Variants in SCYL3 observed in about 807,000 individuals in gnomAD.
SCYL3 encodes protein-associating with the carboxyl-terminal domain of ezrin.
A neutral mutation model predicts 73.8 loss-of-function variants in SCYL3; 35 were observed. That is an observed-to-expected ratio of 0.47 (90% CI 0.36 to 0.63). The LOEUF (loss-of-function observed/expected upper bound fraction) is 0.63, where lower values mean the gene tolerates loss of function less well. Among genes scored for constraint, SCYL3 ranks in the 20% least tolerant of loss-of-function variants. The pLI is 0.00. For missense variants in SCYL3, 712 were observed against 798.9 expected (o/e 0.89, Z 1.31); for synonymous variants, 277 against 295.2 (o/e 0.94, Z 0.63).
chr1:169,883,714 A>ATTTT (rs11311295), intron 2 of SCYL3, among the ~76,000 whole-genome samples: 3 of 100,082 alleles, frequency 3.0e-5, no homozygotes, highest in Non-Finnish European at 2.0e-5. Flanking sequence ...CTCCAATTAC[A>ATTTT]TTTTTTTTTT....
intron 11 of SCYL3, among the ~76,000 whole-genome samples, chr1:169,857,032 G>A (rs942110234): frequency 6.6e-6 from 1 of 152,300 alleles, no homozygotes; most frequent in South Asian, 2.1e-4. Flanking sequence ...ACACAAAGGA[G>A]CAATGACATT....
chr1:169,886,397 T>A (rs1661691414), intron 2 of SCYL3, among the ~76,000 whole-genome samples: 1 of 152,176 alleles, frequency 6.6e-6, no homozygotes, highest in Non-Finnish European at 1.5e-5. Context: ...TCTCTTCCAT[T>A]TCTTGTTATG....
At chr1:169,875,801 C>A (rs12023869) in intron 4 of SCYL3, among the ~76,000 whole-genome samples, 177 bp downstream of exon 4, 2 of 152,310 alleles carry the variant, frequency 1.3e-5, no homozygotes, top group East Asian at 1.9e-4. Context: ...GGATACATGA[C>A]CCCCACTGCC....
chr1:169,859,258 C>T, intron 10 of SCYL3, 46 bp from the exon 11 acceptor site: 1 of 1,542,122 alleles, frequency 6.5e-7, no homozygotes, highest in Non-Finnish European at 8.8e-7. Flanking sequence ...CAATACCTAT[C>T]TCTTTCTTCC....
chr1:169,882,200 T>C (rs374149725), intron 2 of SCYL3, among the ~76,000 whole-genome samples: 1 of 152,148 alleles, frequency 6.6e-6, no homozygotes, highest in Non-Finnish European at 1.5e-5. Context: ...GGCCCCCCAC[T>C]TGGAGCAGCC....
intron 7 of SCYL3, among the ~76,000 whole-genome samples, chr1:169,868,176 C>G (rs1219677833): frequency 6.6e-6 from 1 of 152,200 alleles, no homozygotes; most frequent in African/African-American, 2.4e-5. Flanking sequence ...ACCCCTAGTT[C>G]TATCCTAGAG....
intron 1 of SCYL3, among the ~76,000 whole-genome samples, chr1:169,890,003 A>G (rs1042314627): frequency 6.6e-6 from 1 of 152,192 alleles, no homozygotes; most frequent in African/African-American, 2.4e-5. Flanking sequence ...AGCTTTCTTG[A>G]CAACAGGGAT....
At chr1:169,879,616 G>A (rs1661103875) in intron 2 of SCYL3, among the ~76,000 whole-genome samples, 1 of 152,156 alleles carries the variant, frequency 6.6e-6, no homozygotes, top group Non-Finnish European at 1.5e-5. Context: ...ACAGAGCAAA[G>A]AGTTATGTGA....
At position 169,852,167 on chromosome 1, in the gene SCYL3, A is replaced by C; in HGVS notation, c.*1546T>G. On this transcript the variant is annotated 3_prime_UTR_variant, in exon 13 of 13. Coordinates refer to ENST00000367771, the MANE Select transcript of SCYL3 (RefSeq NM_020423.7). ...GTTTGAATTATTGGTAGTAACCTTT[A>C]AGGGAAGTTACATATTGTACCAGTG... 1 of 577,728 alleles carries C rather than the reference A, an allele frequency of 1.7e-6. No individual in the cohort carries two copies. Among genetic ancestry groups the C allele is most frequent in the Non-Finnish European group, 3.0e-6 (1 of 330,176 alleles). The allele number at this position is 577,728 out of a possible 1,614,324, so 35.8% of individuals were successfully genotyped here. A position where few individuals can be genotyped will look rare whatever the true frequency, so the allele number is the denominator to read the frequency against.
intron 2 of SCYL3, among the ~76,000 whole-genome samples, chr1:169,881,842 A>T (rs1428694974): frequency 6.6e-6 from 1 of 152,234 alleles, no homozygotes; most frequent in Non-Finnish European, 1.5e-5. Context: ...ATCATCAGGC[A>T]TTAGTTAGAT....
intron 11 of SCYL3, among the ~76,000 whole-genome samples, chr1:169,858,824 G>A (rs897801000): frequency 1.3e-5 from 2 of 151,678 alleles, no homozygotes; most frequent in Non-Finnish European, 2.9e-5. Flanking sequence ...CTATGCACGT[G>A]TAAACATATA....
intron 5 of SCYL3, among the ~76,000 whole-genome samples, chr1:169,872,436 C>G (rs1660470043): frequency 6.6e-6 from 1 of 152,252 alleles, no homozygotes; most frequent in Admixed American, 6.5e-5. Flanking sequence ...GCTGCATGGG[C>G]AGGGCCCTTA....
chr1:169,883,014 G>A (rs1253557527), intron 2 of SCYL3, among the ~76,000 whole-genome samples: 1 of 152,082 alleles, frequency 6.6e-6, no homozygotes, highest in African/African-American at 2.4e-5. Flanking sequence ...TCTTGTTGCT[G>A]CTCACTCTTT....
At chr1:169,859,474 C>CT (rs1659457856) in intron 10 of SCYL3, among the ~76,000 whole-genome samples, 1 of 152,208 alleles carries the variant, frequency 6.6e-6, no homozygotes, top group Non-Finnish European at 1.5e-5. Flanking sequence ...TAAAATTACT[C>CT]TGTCAAATTG....
intron 2 of SCYL3, among the ~76,000 whole-genome samples, chr1:169,887,497 C>G (rs956867558): frequency 6.6e-6 from 1 of 152,056 alleles, no homozygotes; most frequent in South Asian, 2.1e-4. Context: ...AATGCACAAT[C>G]TTATTAGATG....
At chr1:169,873,655 C>T in intron 5 of SCYL3, 41 bp downstream of exon 5, 1 of 1,406,054 alleles carries the variant, frequency 7.1e-7, no homozygotes, top group Non-Finnish European at 9.9e-7. Context: ...TACTCAATTA[C>T]ACAAAGGCAC....
chr1:169,854,619 G>A lies in SCYL3; in HGVS notation c.1658C>T (p.Ser553Leu). Residue 553 changes from serine (S) to leucine (L), a missense_variant, in exon 12 of 13, where the codon TCA becomes TTA. Physicochemically the swap from Ser to Leu is moderately radical, Grantham distance 145 (BLOSUM62 -2). Coordinates refer to ENST00000367771, the MANE Select transcript of SCYL3 (RefSeq NM_020423.7). ...CCAAGGCATAGACTCTTCAGTGAGT[G>A]AAAGCAAAGCAGGAATAGGCTTCTG... ...GEQKPIPALL[S>L]LTEESMPWKS... The A allele has an allele frequency of 1.2e-6, 2 of 1,614,052 alleles. No individual in the cohort carries two copies. The highest frequency in any genetic ancestry group is 1.7e-6 in the Non-Finnish European group (2 of 1,179,986).
chr1:169,859,343 T>C, intron 10 of SCYL3, 131 bp from the exon 11 acceptor site: 1 of 788,396 alleles, frequency 1.3e-6, no homozygotes, highest in Middle Eastern at 3.5e-4. Context: ...GTGTTCCAGG[T>C]CAGTGGCTCT....
In SCYL3 at chr1:169,854,552, C is replaced by T. The variant is rs1658940598; in HGVS notation, c.1725G>A (p.Gly575=). 8.1e-6 allele frequency: 13 copies of T among 1,613,874 alleles called. No individual in the cohort carries two copies. The highest frequency in any genetic ancestry group is 9.3e-6 in the Non-Finnish European group (11 of 1,179,962). The change falls in exon 12 of 13, where the codon GGG becomes GGA. Residue 575 remains glycine, a synonymous_variant. Coordinates refer to ENST00000367771, the MANE Select transcript of SCYL3 (RefSeq NM_020423.7). The stretch of plus-strand genomic sequence containing the variant: ...GCGGCTCGATTTGGTCTGCGTCATC[C>T]CCCCTTTGTACAAGGCTAATCTTTT... The part of the protein sequence containing the change: ...LPQKISLVQR[G]DDADQIEPPK...
Sources: gnomAD v4.1 joint callset for allele counts (sites outside exome capture counted in the v4.1 genomes callset) on GRCh38, gnomAD v4.1.1 for gene constraint, MANE v1.5 for transcripts, NCBI Gene and HGNC (gene_info 2026-07-23, HGNC 2026-07-21) for gene names.